The following NEMP2 variants were observed in gnomAD, a reference collection of about 807,000 sequenced individuals.
NEMP2 encodes the protein UPF0571 transmembrane protein.
In NEMP2, 53 loss-of-function variants were observed where a neutral mutation model predicts 54.2. The ratio of observed to expected loss-of-function variants is 0.98; its 90% confidence interval spans 0.78 to 1.23. The LOEUF is 1.23. Ranked by LOEUF, NEMP2 falls within the 50% of genes most tolerant of loss-of-function variation. The pLI, the probability that NEMP2 is intolerant of heterozygous loss-of-function variation, is 0.00. For missense variants in NEMP2, 455 were observed against 511.3 expected, an observed-to-expected ratio of 0.89 and a Z score of 1.06; for synonymous variants, 197 against 190.3, an observed-to-expected ratio of 1.04 and a Z score of -0.29.
the NEMP2 span, among the ~76,000 whole-genome samples, chr2:190,426,991 G>T: frequency 6.6e-6 from 1 of 152,204 alleles, no homozygotes; most frequent in Non-Finnish European, 1.5e-5. This position sits in a 1 kb window ranked among gnomAD's most constrained non-coding sequence, Gnocchi z 4.7. Flanking sequence ...TCATTACTGT[G>T]AAGTGGAGAT....
At chr2:190,515,284 C>A (rs935428578) in intron 6 of NEMP2, among the ~76,000 whole-genome samples, 4 of 152,136 alleles carry the variant, frequency 2.6e-5, no homozygotes, top group African/African-American at 7.2e-5. Context: ...TAAATTCTAT[C>A]ATAAAGGGGT....
chr2:190,629,660 T>G, the NEMP2 span: 1 of 152,196 alleles, frequency 6.6e-6, no homozygotes, highest in Non-Finnish European at 1.5e-5. Context: ...GAGTTAAAAC[T>G]CATCTTGTTT....
the NEMP2 span, among the ~76,000 whole-genome samples, chr2:190,427,691 G>A: frequency 1.3e-5 from 2 of 151,034 alleles, no homozygotes; most frequent in African/African-American, 4.9e-5. Context: ...AGAGAAAATT[G>A]TGTCTACTCC....
At chr2:190,477,375 G>A in the NEMP2 span, 2 of 980,588 alleles carry the variant, frequency 2.0e-6, no homozygotes, top group Admixed American at 1.2e-4. Flanking sequence ...TATAAATAAA[G>A]ATTTGTATAC....
intron 4 of NEMP2, 75 bp downstream of exon 4, chr2:190,518,661 T>C (rs1690647473): frequency 1.6e-6 from 2 of 1,212,140 alleles, no homozygotes; most frequent in African/African-American, 3.1e-5. Context: ...AGTGTGAAAA[T>C]ACTTAGCATG....
At chr2:190,590,207 T>C in the NEMP2 span, among the ~76,000 whole-genome samples, 1 of 152,180 alleles carries the variant, frequency 6.6e-6, no homozygotes, top group Non-Finnish European at 1.5e-5. The surrounding 1 kb of genome is among the most constrained non-coding windows in gnomAD (Gnocchi z 5.1). Context: ...CAGATTGACA[T>C]TTGACTTTTG....
In NEMP2 at chr2:190,531,453, C is replaced by T. The variant is rs1691140280; in HGVS notation, c.97+3106G>A. On this transcript the variant is annotated intron_variant, in intron 1 of 8. Coordinates refer to ENST00000409150, the MANE Select transcript of NEMP2 (RefSeq NM_001142645.2). The surrounding 1 kb of genome is among the most constrained non-coding windows in gnomAD (Gnocchi z 4.7). ...TTAACTTCTTGCAATCCTCAGCAGG[C>T]TCTTTGATGCTTTCAATTAACCTGA... Among the ~76,000 whole-genome samples, 1 of 152,234 alleles carries T rather than the reference C, an allele frequency of 6.6e-6. No homozygotes were observed. The highest frequency in any genetic ancestry group is 1.5e-5 in the Non-Finnish European group (1 of 68,050).
the NEMP2 span, among the ~76,000 whole-genome samples, chr2:190,572,105 T>C: frequency 6.6e-6 from 1 of 152,178 alleles, no homozygotes; most frequent in Non-Finnish European, 1.5e-5. Flanking sequence ...TAAAGTTTCC[T>C]CAAATGTTCC....
the NEMP2 span, among the ~76,000 whole-genome samples, chr2:190,599,516 T>C: frequency 2.6e-5 from 4 of 152,222 alleles, no homozygotes; most frequent in African/African-American, 9.6e-5. Flanking sequence ...ATTAGTAATA[T>C]ATTAAGTATC....
At chr2:190,606,540 C>T in the NEMP2 span, among the ~76,000 whole-genome samples, 3 of 152,110 alleles carry the variant, frequency 2.0e-5, no homozygotes, top group African/African-American at 4.8e-5. Flanking sequence ...GGCAAAACCC[C>T]GTCTCTACTA....
the NEMP2 span, among the ~76,000 whole-genome samples, chr2:190,476,197 C>A: frequency 2.6e-5 from 4 of 151,738 alleles, no homozygotes; most frequent in African/African-American, 7.3e-5. Flanking sequence ...GCAACAAAAG[C>A]CAAAATTGAC....
At chr2:190,448,744 G>T in the NEMP2 span, among the ~76,000 whole-genome samples, 3 of 152,148 alleles carry the variant, frequency 2.0e-5, no homozygotes, top group South Asian at 2.1e-4. Flanking sequence ...ACTTGGATGG[G>T]GAACAAAGGG....
chr2:190,422,558 GT>G, the NEMP2 span, among the ~76,000 whole-genome samples: 3 of 152,148 alleles, frequency 2.0e-5, no homozygotes, highest in Admixed American at 6.5e-5. Context: ...TGATGATGTT[GT>G]TGAGATATCT....
chr2:190,500,316 C>T (rs1019860851), downstream of NEMP2: 5 of 1,231,236 alleles, frequency 4.1e-6, no homozygotes, highest in Non-Finnish European at 4.6e-6. This position sits in a 1 kb window ranked among gnomAD's most constrained non-coding sequence, Gnocchi z 5.3. Flanking sequence ...CCTGGAGGAG[C>T]ACAGCACTGC....
At chr2:190,442,050 A>G in the NEMP2 span, among the ~76,000 whole-genome samples, 1 of 152,212 alleles carries the variant, frequency 6.6e-6, no homozygotes, top group African/African-American at 2.4e-5. Flanking sequence ...ATTGATTAAA[A>G]AGCAAAAAGA....
chr2:190,448,207 A>G, the NEMP2 span, among the ~76,000 whole-genome samples: 2 of 152,208 alleles, frequency 1.3e-5, no homozygotes, highest in African/African-American at 4.8e-5. Flanking sequence ...GGTTCCTGCA[A>G]ATTCCATTAC....
In NEMP2 at chr2:190,514,797, T is replaced by G. The variant is rs931535880; in HGVS notation, c.728-119A>C. 2.1e-6 allele frequency: 2 copies of G among 948,958 alleles called. No individual in the cohort carries two copies. The highest frequency in any genetic ancestry group is 3.3e-5 in the African/African-American group (2 of 60,202). The allele number at this position is 948,958 out of a possible 1,614,324, so 58.8% of individuals were successfully genotyped here. ...TAGAGAACCTTAATTTTTGTGTTTTTTACCCCATAAAGTAAGGTTGAAAAA... is the reference window on the plus strand; with the variant it reads ...TAGAGAACCTTAATTTTTGTGTTTTGTACCCCATAAAGTAAGGTTGAAAAA... On this transcript the variant is annotated intron_variant, in intron 6 of 8. Transcript: ENST00000409150. This position sits in a 1 kb window ranked among gnomAD's most constrained non-coding sequence, Gnocchi z 5.7.
In NEMP2 at chr2:190,519,104, AGAAT is replaced by A; in HGVS notation, c.289_292del (p.Ile97TyrfsTer7). On this transcript the variant is annotated frameshift_variant, in exon 3 of 9. Coordinates refer to ENST00000409150, the MANE Select transcript of NEMP2 (RefSeq NM_001142645.2). LOFTEE classifies it high-confidence loss of function. This position sits in a 1 kb window ranked among gnomAD's most constrained non-coding sequence, Gnocchi z 5.4. ...ATGAATCACACATTTGATAAAAGATAGAATGTTTTCTGGATATTGGCAATTATGT... is the reference window on the plus strand; with the variant it reads ...ATGAATCACACATTTGATAAAAGATAGTTTTCTGGATATTGGCAATTATGT... The A allele has an allele frequency of 6.4e-7, 1 of 1,551,230 alleles. No individual in the cohort carries two copies. Among genetic ancestry groups the A allele is most frequent in the South Asian group, 1.2e-5 (1 of 84,058 alleles).
At chr2:190,437,149 G>A in the NEMP2 span, 8 of 1,614,220 alleles carry the variant, frequency 5.0e-6, no homozygotes, top group East Asian at 2.2e-5. This position sits in a 1 kb window ranked among gnomAD's most constrained non-coding sequence, Gnocchi z 5.9. Flanking sequence ...CGTCTTCATC[G>A]TCTTCGGCGT....
Sources: allele counts gnomAD v4.1 joint callset (sites outside exome capture counted in the v4.1 genomes callset), GRCh38; gene constraint gnomAD v4.1.1; non-coding constraint Gnocchi (gnomAD v3.1); transcripts MANE v1.5; gene names NCBI Gene and HGNC (gene_info 2026-07-23, HGNC 2026-07-21).